Variants in POLR3GL observed in about 807,000 individuals in gnomAD.
The protein encoded by POLR3GL is RNA polymerase III subunit GL.
Under a neutral mutation model 32.4 loss-of-function variants are expected in POLR3GL, and 26 were observed. The ratio of observed to expected loss-of-function variants is 0.80; its 90% confidence interval spans 0.59 to 1.11. The LOEUF is 1.11. POLR3GL is among the 50% of genes most tolerant of loss of function. The probability of loss-of-function intolerance (pLI) is 0.00; values close to 1 mark genes in which losing one functional copy is unlikely to be tolerated. For missense variants in POLR3GL, 229 were observed against 280.1 expected (o/e 0.82, Z 1.30); for synonymous variants, 95 against 98.7 (o/e 0.96, Z 0.22).
rs890445067 is a variant in POLR3GL, at chr1:145,977,685, G to A, written c.383-93G>A. 1.6e-5 allele frequency: 22 copies of A among 1,349,986 alleles called. No individual in the cohort carries two copies. The South Asian group carries it at 2.2e-4, about 14-fold the overall frequency. The allele number at this position is 1,349,986 out of a possible 1,614,324, so 83.6% of individuals were successfully genotyped here. A position where few individuals can be genotyped will look rare whatever the true frequency, so the allele number is the denominator to read the frequency against. On this transcript the variant is annotated intron_variant, in intron 5 of 7. Coordinates refer to ENST00000369314, the MANE Select transcript of POLR3GL (RefSeq NM_032305.3). Reference sequence around the variant, plus strand: ...GCTAGATGTCATAGTGGCCACATGAGGGCAGCAGAGTGACATGTTCTTTGC... The same window carrying A: ...GCTAGATGTCATAGTGGCCACATGAAGGCAGCAGAGTGACATGTTCTTTGC...
chr1:145,978,521 C>G lies in POLR3GL; in HGVS notation c.*74C>G, dbSNP rs1317088808. On this transcript the variant is annotated 3_prime_UTR_variant, in exon 8 of 8. Transcript: ENST00000369314. ...TGTACCTATTATTTGTTTCTTCAGA[C>G]AAGCAAATCATTTGGTCAGAGTTCA... 4 of 961,496 alleles carry G rather than the reference C, an allele frequency of 4.2e-6. No homozygotes were observed. The highest frequency in any genetic ancestry group is 6.7e-6 in the Non-Finnish European group (4 of 601,496). The allele number at this position is 961,496 out of a possible 1,614,324, so 59.6% of individuals were successfully genotyped here.
At chr1:145,971,978 AAAAAAAAAAAAAT>A (rs1324433606) in intron 1 of POLR3GL, among the ~76,000 whole-genome samples, 15 of 126,920 alleles carry the variant, frequency 1.2e-4, no homozygotes, top group African/African-American at 4.0e-4. Flanking sequence ...AAAAAAAAAA[AAAAAAAAAAAAAT>A]ATATATATAT....
At chr1:145,976,696 C>T (rs931583549) in intron 3 of POLR3GL, among the ~76,000 whole-genome samples, 4 of 151,694 alleles carry the variant, frequency 2.6e-5, no homozygotes, top group South Asian at 2.1e-4. Context: ...AGGTGGATCA[C>T]GAGGTCAGGA....
chr1:145,976,305 G>A lies in POLR3GL; in HGVS notation c.257-779G>A, dbSNP rs587757687. Among the ~76,000 whole-genome samples, 11 of 151,726 alleles carry A rather than the reference G, an allele frequency of 7.2e-5. No individual in the cohort carries two copies. The East Asian group carries it at 1.2e-3, about 16-fold the overall frequency. On this transcript the variant is annotated intron_variant, in intron 3 of 7. Transcript: ENST00000369314. ...CTGTCTCAAAAAAAAAAGGCCAGGT[G>A]TGGTGGCTCACACCTAGAATCCCAG...
chr1:145,968,057 G>A (rs1650116814), intron 1 of POLR3GL, among the ~76,000 whole-genome samples: 1 of 152,120 alleles, frequency 6.6e-6, no homozygotes, highest in African/African-American at 2.4e-5. Context: ...ATGTTTAGTT[G>A]AAACCTGCCT....
rs80155759 is a variant in POLR3GL, at chr1:145,965,187, A to G, written c.-42+419A>G. On this transcript the variant is annotated intron_variant, in intron 1 of 7. Transcript: ENST00000369314. ...ATACCTTTATTAGGACACTTAGTGCACTGTCTCTCTTTAACGTTTCTATGC... is the reference window on the plus strand; with the variant it reads ...ATACCTTTATTAGGACACTTAGTGCGCTGTCTCTCTTTAACGTTTCTATGC... 3.8e-3 allele frequency among the ~76,000 whole-genome samples: 578 copies of G among 151,308 alleles called. 6 individuals carry two copies. Among genetic ancestry groups the G allele is most frequent in the South Asian group, 0.026 (125 of 4,832 alleles).
chr1:145,973,075 A>G (rs1409573744), intron 1 of POLR3GL, among the ~76,000 whole-genome samples: 3 of 152,060 alleles, frequency 2.0e-5, no homozygotes, highest in Non-Finnish European at 4.4e-5. Context: ...CTCTAGACTC[A>G]TGTTGTATAT....
At chr1:145,970,562 GCA>G (rs1239098548) in intron 1 of POLR3GL, among the ~76,000 whole-genome samples, 3 of 151,966 alleles carry the variant, frequency 2.0e-5, no homozygotes, top group East Asian at 1.9e-4. Context: ...TTGTCCCAGT[GCA>G]CAGTTTCCCC....
chr1:145,968,573 C>CTT (rs1320272952), intron 1 of POLR3GL, among the ~76,000 whole-genome samples: 13 of 137,736 alleles, frequency 9.4e-5, no homozygotes, highest in South Asian at 2.3e-4. Context: ...GTGACAAATT[C>CTT]TTTTTTTTTT....
rs1312467165 is a variant in POLR3GL, at chr1:145,978,037, G to T, written c.511G>T (p.Glu171Ter). 1.2e-6 allele frequency: 2 copies of T among 1,607,402 alleles called. No individual in the cohort carries two copies. The highest frequency in any genetic ancestry group is 1.7e-6 in the Non-Finnish European group (2 of 1,174,282). The change falls in exon 7 of 8, where the codon GAA (glutamate) becomes TAA (stop). Residue 171 changes from glutamate to a stop codon, truncating the protein, a stop_gained. Transcript: ENST00000369314. LOFTEE classifies it high-confidence loss of function. ...VTSEEDEEKEEEEEKEEEEEE... is the reference protein window; with the variant it reads ...VTSEEDEEKE ...TTCAGAGGAGGATGAGGAGAAAGAAGAAGAAGAAGAGAAGGAAGAGGAGGA... is the reference window on the plus strand; with the variant it reads ...TTCAGAGGAGGATGAGGAGAAAGAATAAGAAGAAGAGAAGGAAGAGGAGGA...
At chr1:145,978,160 C>T in intron 7 of POLR3GL, 64 bp downstream of exon 7, 1 of 1,555,650 alleles carries the variant, frequency 6.4e-7, no homozygotes, top group East Asian at 2.4e-5. Context: ...GGGTTGCTCT[C>T]CTCAGAGGGT....
At position 145,975,325 on chromosome 1, in the gene POLR3GL, G is replaced by T; in HGVS notation, c.145G>T (p.Val49Leu). Residue 49 changes from valine (V) to leucine (L), a missense_variant, in exon 3 of 8, where the codon GTA becomes TTA. Physicochemically the swap from Val to Leu is conservative, Grantham distance 32. Transcript: ENST00000369314. ...PLFPPLEFRPVPLPSGEEGEY... is the reference protein window; with the variant it reads ...PLFPPLEFRPLPLPSGEEGEY... ...TCTTTAGCCCTTGGAGTTCCGCCCA[G>T]TACCTTTGCCCTCAGGCGAGGAAGG... The T allele has an allele frequency of 6.2e-7, 1 of 1,614,138 alleles. No individual in the cohort carries two copies. Among genetic ancestry groups the T allele is most frequent in the Non-Finnish European group, 8.5e-7 (1 of 1,179,972 alleles).
At chr1:145,971,151 A>C in intron 1 of POLR3GL, among the ~76,000 whole-genome samples, 1 of 127,874 alleles carries the variant, frequency 7.8e-6, no homozygotes, top group Admixed American at 1.0e-4. Context: ...GCGCCATTGC[A>C]CTCCAGCCGG....
In POLR3GL at chr1:145,978,489, G is replaced by C. The variant is rs782607705; in HGVS notation, c.*42G>C. The C allele has an allele frequency of 8.3e-7, 1 of 1,203,712 alleles. No individual in the cohort carries two copies. The highest frequency in any genetic ancestry group is 1.2e-5 in the South Asian group (1 of 80,770). The allele number at this position is 1,203,712 out of a possible 1,614,324, so 74.6% of individuals were successfully genotyped here. A position where few individuals can be genotyped will look rare whatever the true frequency, so the allele number is the denominator to read the frequency against. On this transcript the variant is annotated 3_prime_UTR_variant, in exon 8 of 8. Transcript: ENST00000369314. ...CTCGTGTCTTTCTTTAGGATACAGA[G>C]AGTAACTGTACCTATTATTTGTTTC...
At chr1:145,975,233 A>G in intron 2 of POLR3GL, 74 bp from the exon 3 acceptor site, 2 of 1,568,502 alleles carry the variant, frequency 1.3e-6, no homozygotes, top group Admixed American at 1.7e-5. Context: ...GTTAGACTAA[A>G]TTGGGAGGAG....
chr1:145,972,137 T>C (rs1340559421), intron 1 of POLR3GL, among the ~76,000 whole-genome samples: 2 of 149,708 alleles, frequency 1.3e-5, no homozygotes, highest in Non-Finnish European at 3.0e-5. Context: ...TCCCAGCACT[T>C]TGGGAGGCCG....
intron 3 of POLR3GL, 34 bp from the exon 4 acceptor site, chr1:145,977,050 G>T (rs1553763500): frequency 4.5e-6 from 7 of 1,571,586 alleles, no homozygotes; most frequent in Non-Finnish European, 6.1e-6. Context: ...CTGGGTCTCT[G>T]AAGGGATAAA....
At chr1:145,972,039 T>G (rs55670522) in intron 1 of POLR3GL, among the ~76,000 whole-genome samples, 6,199 of 128,560 alleles carry the variant, frequency 0.048, 207 homozygotes, top group Non-Finnish European at 0.068. Context: ...TGTATATATA[T>G]AGAGAGAGAG....
chr1:145,967,584 C>T (rs181315927), intron 1 of POLR3GL, among the ~76,000 whole-genome samples: 3 of 152,192 alleles, frequency 2.0e-5, no homozygotes, highest in Admixed American at 6.6e-5. Flanking sequence ...TAATTTCTTG[C>T]TTTATTTATT....
Sources: allele counts gnomAD v4.1 joint callset (sites outside exome capture counted in the v4.1 genomes callset), GRCh38; gene constraint gnomAD v4.1.1; transcripts MANE v1.5; gene names NCBI Gene and HGNC (gene_info 2026-07-23, HGNC 2026-07-21).